The following OXNAD1 variants were observed in gnomAD, a reference collection of about 807,000 sequenced individuals.
OXNAD1 encodes oxidoreductase NAD-binding domain-containing protein 1.
OXNAD1 carries 34 observed loss-of-function variants against 32.9 expected under a neutral mutation model. The observed-to-expected ratio is 1.03, with a 90% CI of 0.79 to 1.38. OXNAD1 has a LOEUF of 1.38. Among genes scored for constraint, OXNAD1 ranks in the 40% most tolerant of loss-of-function variants. The pLI is 0.00. For missense variants in OXNAD1, 407 were observed against 379.4 expected, an observed-to-expected ratio of 1.07 and a Z score of -0.60; for synonymous variants, 134 against 135.2, an observed-to-expected ratio of 0.99 and a Z score of 0.06.
chr3:16,333,934 C>T (rs940688149), intron 9 of OXNAD1, among the ~76,000 whole-genome samples: 2 of 151,802 alleles, frequency 1.3e-5, no homozygotes, highest in Admixed American at 1.3e-4. Flanking sequence ...GGGAGGCCGA[C>T]GCGGGTAGAG....
In OXNAD1 at chr3:16,266,833, G is replaced by A. The variant is rs567373450; in HGVS notation, c.-159+1328G>A. On this transcript the variant is annotated intron_variant, in intron 1 of 8. Transcript: ENST00000285083. The stretch of plus-strand genomic sequence containing the variant: ...GTAGACATTTTATTTATTCCTCTCA[G>A]TAATCCAGTGAGGTGGCGTGGGTAA... 4.6e-5 allele frequency among the ~76,000 whole-genome samples: 7 copies of A among 152,274 alleles called. No homozygotes were observed. The East Asian group carries it at 1.2e-3, about 25-fold the overall frequency.
chr3:16,319,698 T>C (rs2068829431), intron 9 of OXNAD1, among the ~76,000 whole-genome samples: 1 of 152,204 alleles, frequency 6.6e-6, no homozygotes, highest in African/African-American at 2.4e-5. Context: ...GTTGATCTGC[T>C]GATATAATAC....
rs1171489721 is a variant in OXNAD1, at chr3:16,305,509, G to C, written c.*1947G>C. 2.6e-5 allele frequency: 4 copies of C among 152,276 alleles called. No homozygotes were observed. Among genetic ancestry groups the C allele is most frequent in the Non-Finnish European group, 5.9e-5 (4 of 68,084 alleles). 9.4% of individuals were successfully genotyped at this position (152,276 alleles called of 1,614,324 possible). A position where few individuals can be genotyped will look rare whatever the true frequency, so the allele number is the denominator to read the frequency against. On this transcript the variant is annotated 3_prime_UTR_variant, in exon 9 of 9. Transcript: ENST00000285083. The surrounding 1 kb of genome is among the most constrained non-coding windows in gnomAD (Gnocchi z 4.5). ...TTCAGTGCCATTATTCTGGTGCTAA[G>C]TGCTGAAGAACATTTTCAGGTCTAG...
At position 16,271,225 on chromosome 3, in the gene OXNAD1, A is replaced by G. The variant is rs1353559789; in HGVS notation, c.119+154A>G. The G allele has an allele frequency of 1.1e-6, 1 of 926,718 alleles. No individual in the cohort carries two copies. Among genetic ancestry groups the G allele is most frequent in the Admixed American group, 2.6e-5 (1 of 38,832 alleles). 57.4% of individuals were successfully genotyped at this position (926,718 alleles called of 1,614,324 possible). ...TTGTTAACCGTTTTTTTTGTCTGAG[A>G]TGGAGTCTTGCTCCGTCGCCTGGGC... On this transcript the variant is annotated intron_variant, in intron 3 of 8. Transcript: ENST00000285083. The surrounding 1 kb of genome is among the most constrained non-coding windows in gnomAD (Gnocchi z 4.6).
Position 16,303,801 on chromosome 3 carries a change from T to C in OXNAD1, c.*239T>C. The C allele has an allele frequency of 2.9e-6, 1 of 350,616 alleles. No individual in the cohort carries two copies. The highest frequency in any genetic ancestry group is 4.4e-5 in the Admixed American group (1 of 22,562). The allele number at this position is 350,616 out of a possible 1,614,324, so 21.7% of individuals were successfully genotyped here. The stretch of plus-strand genomic sequence containing the variant: ...ACTGATTTTCTGTTATTAACAACGA[T>C]TTAATTGTCTCATGATGTACCATGA... On this transcript the variant is annotated 3_prime_UTR_variant, in exon 9 of 9. Transcript: ENST00000285083. This position sits in a 1 kb window ranked among gnomAD's most constrained non-coding sequence, Gnocchi z 4.8.
At chr3:16,293,789 G>C (rs1405226026) in intron 5 of OXNAD1, among the ~76,000 whole-genome samples, 1 of 152,156 alleles carries the variant, frequency 6.6e-6, no homozygotes, top group Non-Finnish European at 1.5e-5. Flanking sequence ...GTTAGCTATG[G>C]GTCTTTTGTA....
At position 16,303,698 on chromosome 3, in the gene OXNAD1, G is replaced by T. The variant is rs115099667; in HGVS notation, c.*136G>T. 1,910 of 993,470 alleles carry T rather than the reference G, an allele frequency of 1.9e-3. 29 individuals carry two copies. The African/African-American group carries it at 0.029, about 15-fold the overall frequency. The allele number at this position is 993,470 out of a possible 1,614,324, so 61.5% of individuals were successfully genotyped here. A position where few individuals can be genotyped will look rare whatever the true frequency, so the allele number is the denominator to read the frequency against. On this transcript the variant is annotated 3_prime_UTR_variant, in exon 9 of 9. Coordinates refer to ENST00000285083, the MANE Select transcript of OXNAD1 (RefSeq NM_138381.5). This position sits in a 1 kb window ranked among gnomAD's most constrained non-coding sequence, Gnocchi z 4.8. ...AAGGCTATAAACTTAGTGACCAGCTGGATAATAAAAGCCAGCTGGCAGACT... is the reference window on the plus strand; with the variant it reads ...AAGGCTATAAACTTAGTGACCAGCTTGATAATAAAAGCCAGCTGGCAGACT...
downstream of OXNAD1, among the ~76,000 whole-genome samples, chr3:16,309,751 C>T (rs2067837796): frequency 1.3e-5 from 2 of 152,194 alleles, no homozygotes; most frequent in Admixed American, 1.3e-4. Context: ...CAACTTGTTT[C>T]CTGTGTGACT....
At position 16,344,077 on chromosome 3, in the gene OXNAD1, G is replaced by T. The variant is rs564972629; in HGVS notation, c.*31-5099G>T. 6.6e-6 allele frequency among the ~76,000 whole-genome samples: 1 copy of T among 152,350 alleles called. No homozygotes were observed. Among genetic ancestry groups the T allele is most frequent in the African/African-American group, 2.4e-5 (1 of 41,582 alleles). On this transcript the variant is annotated intron_variant, in intron 9 of 9. Transcript: ENST00000606098. The surrounding 1 kb of genome is among the most constrained non-coding windows in gnomAD (Gnocchi z 4.4). ...AGCCCAGAGCACTTGGAGGGAAGCAGTAGAGACATTCTTGGCCTGTATTAA... is the reference window on the plus strand; with the variant it reads ...AGCCCAGAGCACTTGGAGGGAAGCATTAGAGACATTCTTGGCCTGTATTAA...
In OXNAD1 at chr3:16,334,866, AG is replaced by A. The variant is rs1355357700; in HGVS notation, c.*31-2242del. On this transcript the variant is annotated intron_variant, in intron 9 of 9. Transcript: ENST00000435829. The surrounding 1 kb of genome is among the most constrained non-coding windows in gnomAD (Gnocchi z 4.3). The stretch of plus-strand genomic sequence containing the variant: ...ATCCAGGTGTGCCCAGTATAATCAC[AG>A]GGGTCCTTATAAGGACAGGCAGGAA... 6.6e-6 allele frequency among the ~76,000 whole-genome samples: 1 copy of A among 152,216 alleles called. No individual in the cohort carries two copies. The highest frequency in any genetic ancestry group is 1.5e-5 in the Non-Finnish European group (1 of 68,034).
intron 9 of OXNAD1, among the ~76,000 whole-genome samples, chr3:16,323,749 C>CA (rs2069354134): frequency 6.6e-6 from 1 of 152,240 alleles, no homozygotes; most frequent in Non-Finnish European, 1.5e-5. Context: ...AATGTGGACA[C>CA]ACTGGCTGCT....
chr3:16,325,747 A>G (rs1287021845), intron 9 of OXNAD1, among the ~76,000 whole-genome samples: 1 of 152,192 alleles, frequency 6.6e-6, no homozygotes, highest in Non-Finnish European at 1.5e-5. Flanking sequence ...CTAATGTGGA[A>G]TCTGAGGATC....
chr3:16,289,013 G>C lies in OXNAD1; in HGVS notation c.290+2565G>C, dbSNP rs1014811688. The stretch of plus-strand genomic sequence containing the variant: ...TCACATGCTTGCTTTCTACCAGCCA[G>C]CTCTGTGATGTGGTCAGTTTCCTTA... On this transcript the variant is annotated intron_variant, in intron 5 of 8. Coordinates refer to ENST00000285083, the MANE Select transcript of OXNAD1 (RefSeq NM_138381.5). This position sits in a 1 kb window ranked among gnomAD's most constrained non-coding sequence, Gnocchi z 4.9. Among the ~76,000 whole-genome samples the C allele has an allele frequency of 6.6e-5, 10 of 152,192 alleles. No homozygotes were observed. The highest frequency in any genetic ancestry group is 2.2e-4 in the African/African-American group (9 of 41,444).
rs2067187200 is a variant in OXNAD1 at position 16,301,619 on chromosome 3, G to T, written c.433-7G>T. The stretch of plus-strand genomic sequence containing the variant: ...AAGACTAAAAGGTCTTTTCTTTCCT[G>T]CCTTAGTGTACACTTGACTGTGAAG... On this transcript the variant is annotated splice_region_variant and splice_polypyrimidine_tract_variant and intron_variant, in intron 6 of 8. Transcript: ENST00000285083. The surrounding 1 kb of genome is among the most constrained non-coding windows in gnomAD (Gnocchi z 4.1). The T allele has an allele frequency of 6.2e-7, 1 of 1,613,608 alleles. No individual in the cohort carries two copies. The highest frequency in any genetic ancestry group is 1.7e-5 in the Admixed American group (1 of 59,960).
In OXNAD1 at chr3:16,344,962, T is replaced by C. The variant is rs1026661342; in HGVS notation, c.*31-4214T>C. Among the ~76,000 whole-genome samples, 1 of 152,160 alleles carries C rather than the reference T, an allele frequency of 6.6e-6. No individual in the cohort carries two copies. Among genetic ancestry groups the C allele is most frequent in the Non-Finnish European group, 1.5e-5 (1 of 68,032 alleles). ...CTCTCTTCATCTGTGGCTCTCAAAC[T>C]ATGCATTTTAAGCTCTTTTAGGGGG... is the stretch of plus-strand genomic sequence containing the variant. On this transcript the variant is annotated intron_variant, in intron 9 of 9. Transcript: ENST00000606098. This position sits in a 1 kb window ranked among gnomAD's most constrained non-coding sequence, Gnocchi z 4.4.
rs2069099039 is a variant in OXNAD1 at position 16,321,883 on chromosome 3, C to T, written c.*31-15229C>T. 1.3e-5 allele frequency among the ~76,000 whole-genome samples: 2 copies of T among 152,236 alleles called. No individual in the cohort carries two copies. Among genetic ancestry groups the T allele is most frequent in the Non-Finnish European group, 1.5e-5 (1 of 68,046 alleles). On this transcript the variant is annotated intron_variant, in intron 9 of 9. Coordinates refer to the OXNAD1 transcript ENST00000435829. This position sits in a 1 kb window ranked among gnomAD's most constrained non-coding sequence, Gnocchi z 4.8. ...GTCTCCCTGCCGACTCAAGTTTCCACTGACTTGTCCCCCTGCATGCGATGC... is the reference window on the plus strand; with the variant it reads ...GTCTCCCTGCCGACTCAAGTTTCCATTGACTTGTCCCCCTGCATGCGATGC...
In OXNAD1 at chr3:16,305,104, A is replaced by C. The variant is rs978017935; in HGVS notation, c.*1542A>C. 1.3e-5 allele frequency: 2 copies of C among 152,266 alleles called. No individual in the cohort carries two copies. The highest frequency in any genetic ancestry group is 4.1e-4 in the South Asian group (2 of 4,824). 9.4% of individuals were successfully genotyped at this position (152,266 alleles called of 1,614,324 possible). On this transcript the variant is annotated 3_prime_UTR_variant, in exon 9 of 9. Transcript: ENST00000285083. The surrounding 1 kb of genome is among the most constrained non-coding windows in gnomAD (Gnocchi z 4.5). ...AGCCCTGACTTACCAGTTGGCCCCA[A>C]AGTGCCCAGGCTGAGGGCATAGGAG... is the stretch of plus-strand genomic sequence containing the variant.
Position 16,271,756 on chromosome 3 carries a change from G to C in OXNAD1, c.183+34G>C. 1 of 1,578,448 alleles carries C rather than the reference G, an allele frequency of 6.3e-7. No homozygotes were observed. The highest frequency in any genetic ancestry group is 8.6e-7 in the Non-Finnish European group (1 of 1,158,722). On this transcript the variant is annotated intron_variant, in intron 4 of 8. Transcript: ENST00000285083. This position sits in a 1 kb window ranked among gnomAD's most constrained non-coding sequence, Gnocchi z 4.6. ...CTTTGGGGTATGACAGGTTTTTCCA[G>C]CTAGACCGTTTACATGTGGTTATGA...
downstream of OXNAD1, among the ~76,000 whole-genome samples, chr3:16,351,379 C>T (rs2072092587): frequency 6.6e-6 from 1 of 152,150 alleles, no homozygotes; most frequent in Non-Finnish European, 1.5e-5. The surrounding 1 kb of genome is among the most constrained non-coding windows in gnomAD (Gnocchi z 5.4). Context: ...TATCCATGAT[C>T]AGAAATGTCT....
Sources: gnomAD v4.1 joint callset for allele counts (sites outside exome capture counted in the v4.1 genomes callset) on GRCh38, gnomAD v4.1.1 for gene constraint, Gnocchi (gnomAD v3.1) non-coding constraint, MANE v1.5 for transcripts, NCBI Gene and HGNC (gene_info 2026-07-23, HGNC 2026-07-21) for gene names.